Variants in LYG2 observed in about 807,000 individuals in gnomAD.
LYG2 encodes the protein lysozyme g-like protein 2.
Under a neutral mutation model 22.4 loss-of-function variants are expected in LYG2, and 25 were observed. That is an observed-to-expected ratio of 1.12 (90% CI 0.81 to 1.56). The LOEUF (loss-of-function observed/expected upper bound fraction) is 1.56. LYG2 is among the 40% of genes most tolerant of loss of function. The pLI, the probability that LYG2 is intolerant of heterozygous loss-of-function variation, is 0.00. For missense variants in LYG2, 266 were observed against 269.5 expected (o/e 0.99, Z 0.09); for synonymous variants, 88 against 97.0 (o/e 0.91, Z 0.55).
In LYG2 at chr2:99,246,798, G is replaced by A; in HGVS notation, c.66C>T (p.Pro22=). Residue 22 remains proline, a synonymous_variant, in exon 4 of 7, where the codon CCC becomes CCT. Transcript: ENST00000333017. ...ALIGTSRGSY[P]FSHSMKPHLH... ...GGTGAGGCTTCATTGAGTGACTGAA[G>A]GGGTATGAGCCCCTGGAAGTGCCTA... 6.2e-7 allele frequency: 1 copy of A among 1,613,950 alleles called. No individual in the cohort carries two copies.
upstream of LYG2, among the ~76,000 whole-genome samples, chr2:99,260,462 C>T (rs1183607899): frequency 1.3e-5 from 2 of 152,268 alleles, no homozygotes; most frequent in Admixed American, 6.5e-5. Context: ...CAGTTTCTCT[C>T]CCCTCCCTCT....
rs1252488210 is a variant in LYG2 at position 99,246,783 on chromosome 2, C to T, written c.81G>A (p.Met27Ile). 6.2e-7 allele frequency: 1 copy of T among 1,614,026 alleles called. No homozygotes were observed. Among genetic ancestry groups the T allele is most frequent in the Admixed American group, 1.7e-5 (1 of 59,998 alleles). Residue 27 changes from methionine to isoleucine, a missense_variant, in exon 4 of 7, where the codon ATG (methionine) becomes ATA (isoleucine). By Grantham distance (10) the Met-to-Ile change is conservative (BLOSUM62 1). Transcript: ENST00000333017. ...ACAGGCGTGGATGTAGGTGAGGCTT[C>T]ATTGAGTGACTGAAGGGGTATGAGC... ...SRGSYPFSHSMKPHLHPRLYH... is the reference protein window; with the variant it reads ...SRGSYPFSHSIKPHLHPRLYH...
intron 6 of LYG2, 68 bp downstream of exon 6, chr2:99,243,931 G>A (rs774028671): frequency 1.1e-5 from 17 of 1,586,768 alleles, no homozygotes; most frequent in African/African-American, 4.0e-5. Flanking sequence ...AGGGAGTCTC[G>A]GGTCACACTG....
intron 3 of LYG2, 127 bp from the exon 4 acceptor site, chr2:99,246,947 A>C: frequency 1.1e-6 from 1 of 884,376 alleles, no homozygotes; most frequent in South Asian, 1.9e-5. Flanking sequence ...TGTTGCCATT[A>C]TTTGTTCCTC....
chr2:99,243,965 C>T (rs764213588), intron 6 of LYG2, 34 bp downstream of exon 6: 53 of 1,613,138 alleles, frequency 3.3e-5, no homozygotes, highest in Non-Finnish European at 4.1e-5. Flanking sequence ...TCATTCATTG[C>T]TCATTTAAAC....
chr2:99,256,587 GA>G (rs2094036693), upstream of LYG2, among the ~76,000 whole-genome samples: 1 of 152,190 alleles, frequency 6.6e-6, no homozygotes, highest in Non-Finnish European at 1.5e-5. Context: ...AAGAAGTTAC[GA>G]ATGATAAGTT....
upstream of LYG2, among the ~76,000 whole-genome samples, chr2:99,257,310 G>A (rs548281655): frequency 1.6e-4 from 25 of 152,302 alleles, no homozygotes; most frequent in Non-Finnish European, 3.5e-4. Flanking sequence ...TAATAATGTA[G>A]TTAATACGCA....
upstream of LYG2, among the ~76,000 whole-genome samples, chr2:99,256,508 G>A (rs751587798): frequency 1.2e-4 from 18 of 152,222 alleles, no homozygotes; most frequent in Non-Finnish European, 2.1e-4. Context: ...CTTCACTGCA[G>A]GGTGAGTAGA....
chr2:99,246,801 G>A lies in LYG2; in HGVS notation c.63C>T (p.Tyr21=), dbSNP rs747905809. ...GAGGCTTCATTGAGTGACTGAAGGG[G>A]TATGAGCCCCTGGAAGTGCCTAGGA... ...IALIGTSRGS[Y]PFSHSMKPHL... Residue 21 remains tyrosine, a synonymous_variant, in exon 4 of 7, where the codon TAC becomes TAT. Coordinates refer to ENST00000333017, the MANE Select transcript of LYG2 (RefSeq NM_175735.4). 6.2e-6 allele frequency: 10 copies of A among 1,613,364 alleles called. No individual in the cohort carries two copies. Among genetic ancestry groups the A allele is most frequent in the South Asian group, 1.1e-5 (1 of 90,888 alleles).
intron 3 of LYG2, among the ~76,000 whole-genome samples, chr2:99,249,085 G>A (rs12999417): frequency 0.6 from 91,376 of 152,000 alleles, 27,972 homozygotes; most frequent in East Asian, 0.88. Context: ...CGGTTTCAAG[G>A]ACTGTTAACT....
Position 99,254,235 on chromosome 2 carries a change from C to T in LYG2, c.26G>A (p.Gly9Glu). The change falls in exon 3 of 7, where the codon GGA becomes GAA. Residue 9 changes from glycine (G) to glutamate (E), a missense_variant. Coordinates refer to ENST00000333017, the MANE Select transcript of LYG2 (RefSeq NM_175735.4). ...TGACTTACCAATGAGGGCAATTAGT[C>T]CCCAAAACACCACGGAGGATAACAT... MLSSVVFW[G>E]LIALIGTSRG... 1 of 1,614,016 alleles carries T rather than the reference C, an allele frequency of 6.2e-7. No homozygotes were observed. The highest frequency in any genetic ancestry group is 8.5e-7 in the Non-Finnish European group (1 of 1,179,970).
At chr2:99,245,547 G>A (rs1366748645) in intron 4 of LYG2, 89 bp from the exon 5 acceptor site, 4 of 741,476 alleles carry the variant, frequency 5.4e-6, no homozygotes, top group Non-Finnish European at 6.0e-6. Context: ...GAAACAGGAG[G>A]ATTGCTTGAA....
chr2:99,243,736 CTA>C, intron 6 of LYG2: 1 of 334,094 alleles, frequency 3.0e-6, no homozygotes, highest in African/African-American at 2.5e-5. Context: ...CAGGGTCTCA[CTA>C]TGTTTCAAGG....
intron 3 of LYG2, among the ~76,000 whole-genome samples, chr2:99,252,338 C>T (rs765957179): frequency 6.7e-6 from 1 of 148,888 alleles, no homozygotes; most frequent in Non-Finnish European, 1.5e-5. Context: ...CAGGTGTGAG[C>T]CACCGTGCCC....
upstream of LYG2, among the ~76,000 whole-genome samples, chr2:99,258,623 C>A (rs962392262): frequency 6.6e-6 from 1 of 152,206 alleles, no homozygotes; most frequent in African/African-American, 2.4e-5. Flanking sequence ...TGTTTCACAG[C>A]TCTGAAACCT....
Position 99,244,026 on chromosome 2 carries a change from T to C in LYG2, c.493A>G (p.Thr165Ala). Residue 165 changes from threonine (T) to alanine (A), a missense_variant, in exon 6 of 7, where the codon ACG becomes GCG. Transcript: ENST00000333017. ...RIKAIQKKFP[T>A]WSVAQHLKGG... ...TTGAGGTGCTGAGCAACACTCCACG[T>C]GGGGAATTTTTTCTGGATTGCCTTA... is the stretch of plus-strand genomic sequence containing the variant. The C allele has an allele frequency of 6.2e-7, 1 of 1,614,044 alleles. No individual in the cohort carries two copies. Among genetic ancestry groups the C allele is most frequent in the Non-Finnish European group, 8.5e-7 (1 of 1,179,984 alleles).
Position 99,245,284 on chromosome 2 carries a change from C to A in LYG2, c.359G>T (p.Gly120Val). The change falls in exon 5 of 7, where the codon GGA becomes GTA. Residue 120 changes from glycine (G) to valine (V), a missense_variant. Physicochemically the swap from Gly to Val is moderately radical, Grantham distance 109 (BLOSUM62 -3). Transcript: ENST00000333017. ...TACCTGCATCAAGCCAAATTTAAGTCCCCTGTGGTCCCAGCCGTCTTGCAG... is the reference window on the plus strand; with the variant it reads ...TACCTGCATCAAGCCAAATTTAAGTACCCTGTGGTCCCAGCCGTCTTGCAG... ...SVLQDGWDHR[G>V]LKFGLMQLDK... The A allele has an allele frequency of 6.2e-7, 1 of 1,606,686 alleles. No homozygotes were observed. The highest frequency in any genetic ancestry group is 8.5e-7 in the Non-Finnish European group (1 of 1,176,254).
At chr2:99,252,764 G>A (rs930635568) in intron 3 of LYG2, among the ~76,000 whole-genome samples, 2 of 152,038 alleles carry the variant, frequency 1.3e-5, no homozygotes, top group African/African-American at 4.8e-5. Flanking sequence ...GCTTATCACT[G>A]GGCCGGGCGT....
At chr2:99,251,898 C>CACGATCTTGGCTCACTGCAAG (rs559117889) in intron 3 of LYG2, among the ~76,000 whole-genome samples, 2 of 123,886 alleles carry the variant, frequency 1.6e-5, no homozygotes, top group African/African-American at 5.4e-5. Context: ...AGTGCAGTGG[C>CACGATCTTGGCTCACTGCAAG]CATTCTCCTG....
Sources: allele counts gnomAD v4.1 joint callset (sites outside exome capture counted in the v4.1 genomes callset), GRCh38; gene constraint gnomAD v4.1.1; transcripts MANE v1.5; gene names NCBI Gene and HGNC (gene_info 2026-07-23, HGNC 2026-07-21).